MCU: variants seen among roughly 807,000 people sequenced by gnomAD.
MCU encodes the protein mitochondrial calcium uniporter, also known as calcium uniporter protein, mitochondrial.
Under a neutral mutation model 45.2 loss-of-function variants are expected in MCU, and 12 were observed. The ratio of observed to expected loss-of-function variants is 0.27; its 90% CI spans 0.17 to 0.43. The LOEUF (loss-of-function observed/expected upper bound fraction) is 0.43, where lower values mean the gene tolerates loss of function less well. MCU is among the 20% of genes least tolerant of loss of function. MCU has a pLI of 1.00. For synonymous variants in MCU, 160 were observed against 165.1 expected (o/e 0.97, Z 0.24); for missense variants, 324 against 436.7 (o/e 0.74, Z 2.30).
chr10:72,808,368 T>C (rs1844487216), intron 1 of MCU, among the ~76,000 whole-genome samples: 1 of 152,236 alleles, frequency 6.6e-6, no homozygotes, highest in South Asian at 2.1e-4. Context: ...GAACATATAA[T>C]GATTGCAGAA....
chr10:72,771,571 T>C (rs1279397333), intron 1 of MCU, among the ~76,000 whole-genome samples: 1 of 152,228 alleles, frequency 6.6e-6, no homozygotes, highest in Non-Finnish European at 1.5e-5. Context: ...CTTTGCTGAA[T>C]ATAAGATTTT....
Position 72,735,814 on chromosome 10 carries a change from T to C in MCU, c.150+43513T>C, listed in dbSNP as rs146429941. Among the ~76,000 whole-genome samples, 1,034 of 152,314 alleles carry C rather than the reference T, an allele frequency of 6.8e-3. 10 individuals are homozygous for C. The highest frequency in any genetic ancestry group is 0.024 in the African/African-American group (986 of 41,560). ...GGAGTGGAGAAGGTGCCTAATTATA[T>C]AGAATATCTTTGTGGATCTTCAACC... On this transcript the variant is annotated intron_variant, in intron 1 of 7. Transcript: ENST00000373053.
chr10:72,794,016 C>T (rs1027886360), intron 1 of MCU, among the ~76,000 whole-genome samples: 1 of 152,126 alleles, frequency 6.6e-6, no homozygotes, highest in African/African-American at 2.4e-5. Flanking sequence ...TATCAGTGCT[C>T]CCAATTTACA....
chr10:72,739,973 G>C (rs947137956), intron 1 of MCU, among the ~76,000 whole-genome samples: 9 of 151,948 alleles, frequency 5.9e-5, no homozygotes, highest in African/African-American at 2.2e-4. Flanking sequence ...ACCGTGCCCA[G>C]CTGAAAATTA....
intron 1 of MCU, among the ~76,000 whole-genome samples, chr10:72,798,180 T>C (rs1431686488): frequency 6.6e-6 from 1 of 152,102 alleles, no homozygotes; most frequent in Non-Finnish European, 1.5e-5. Flanking sequence ...AAAATAAAAC[T>C]GTACATAACA....
At chr10:72,801,879 C>A (rs1169115271) in intron 1 of MCU, among the ~76,000 whole-genome samples, 1 of 151,782 alleles carries the variant, frequency 6.6e-6, no homozygotes. Context: ...TGCCATGTTG[C>A]CCTGGTTTGT....
intron 4 of MCU, among the ~76,000 whole-genome samples, chr10:72,867,934 A>G (rs1384330813): frequency 1.3e-5 from 2 of 151,864 alleles, no homozygotes; most frequent in Non-Finnish European, 2.9e-5. Flanking sequence ...GAAATACTAT[A>G]TATTTTTCCC....
At chr10:72,736,168 CA>C (rs1843249877) in intron 1 of MCU, among the ~76,000 whole-genome samples, 1 of 152,148 alleles carries the variant, frequency 6.6e-6, no homozygotes, top group Non-Finnish European at 1.5e-5. Context: ...TTTGTGTATT[CA>C]TGGACGTTGG....
chr10:72,752,405 T>G (rs1458993605), intron 1 of MCU, among the ~76,000 whole-genome samples: 2 of 152,178 alleles, frequency 1.3e-5, no homozygotes, highest in African/African-American at 4.8e-5. Flanking sequence ...CTCCAAATGT[T>G]TTTTTGAATG....
chr10:72,745,946 A>C (rs1456200521), intron 1 of MCU, among the ~76,000 whole-genome samples: 1 of 152,146 alleles, frequency 6.6e-6, no homozygotes. Flanking sequence ...CATTACCACT[A>C]TCCACCTCCA....
Position 72,871,532 on chromosome 10 carries a change from T to C in MCU, c.813T>C (p.Thr271=). The C allele has an allele frequency of 6.2e-7, 1 of 1,614,200 alleles. No individual in the cohort carries two copies. Among genetic ancestry groups the C allele is most frequent in the South Asian group, 1.1e-5 (1 of 91,090 alleles). ...DIMEPVTYFI[T]YGSAMAMYAY... Reference sequence around the variant, plus strand: ...TGGAGCCAGTAACATACTTCATCACTTATGGAAGTGCCATGGCAATGTATG... The same window carrying C: ...TGGAGCCAGTAACATACTTCATCACCTATGGAAGTGCCATGGCAATGTATG... The change falls in exon 6 of 8, where the codon ACT becomes ACC. Residue 271 remains threonine (T), a synonymous_variant. Coordinates refer to ENST00000373053, the MANE Select transcript of MCU (RefSeq NM_138357.3).
At position 72,767,254 on chromosome 10, in the gene MCU, T is replaced by C. The variant is rs145008844; in HGVS notation, c.151-67105T>C. ...AATTAAAATAATTTCCTTTCTGCTG[T>C]CTGTCATGATCTTCTCGTTTCTGAA... On this transcript the variant is annotated intron_variant, in intron 1 of 7. Transcript: ENST00000373053. 5.3e-5 allele frequency among the ~76,000 whole-genome samples: 8 copies of C among 152,288 alleles called. No individual in the cohort carries two copies. In the East Asian group the frequency reaches 1.5e-3, roughly 29 times the overall value.
chr10:72,736,538 G>A (rs1843254156), intron 1 of MCU: 1 of 152,096 alleles, frequency 6.6e-6, no homozygotes, highest in Non-Finnish European at 1.5e-5. Flanking sequence ...TGCTTATTAG[G>A]AAAGAAGGAT....
At chr10:72,794,431 C>G (rs1053467273) in intron 1 of MCU, among the ~76,000 whole-genome samples, 1 of 152,192 alleles carries the variant, frequency 6.6e-6, no homozygotes, top group African/African-American at 2.4e-5. Flanking sequence ...TTTCCTAAGG[C>G]TCTTGGTTCT....
chr10:72,734,307 G>A (rs961308634), intron 1 of MCU, among the ~76,000 whole-genome samples: 3 of 152,122 alleles, frequency 2.0e-5, no homozygotes, highest in Non-Finnish European at 2.9e-5. Flanking sequence ...TTAGTCACTG[G>A]CCACATGTGA....
intron 2 of MCU, among the ~76,000 whole-genome samples, chr10:72,835,415 C>G (rs897207536): frequency 3.3e-5 from 5 of 152,160 alleles, no homozygotes; most frequent in African/African-American, 1.2e-4. Flanking sequence ...TGATAGAGCT[C>G]TGATTTCAAC....
intron 6 of MCU, among the ~76,000 whole-genome samples, chr10:72,881,955 G>A: frequency 6.6e-6 from 1 of 152,204 alleles, no homozygotes; most frequent in East Asian, 1.9e-4. Flanking sequence ...TATTGTTGTG[G>A]GAAGTCAGGG....
intron 1 of MCU, among the ~76,000 whole-genome samples, chr10:72,729,475 A>G (rs1307557960): frequency 1.3e-5 from 2 of 152,218 alleles, no homozygotes; most frequent in Non-Finnish European, 2.9e-5. Context: ...GCCTCAAAAA[A>G]GAAAAAAAGA....
chr10:72,711,965 GC>G (rs1164350251), intron 1 of MCU, among the ~76,000 whole-genome samples: 1 of 150,512 alleles, frequency 6.6e-6, no homozygotes, highest in African/African-American at 2.4e-5. Flanking sequence ...GCCTGCCTTG[GC>G]CCCCCAAAGT....
Sources: gnomAD v4.1 joint callset for allele counts (sites outside exome capture counted in the v4.1 genomes callset) on GRCh38, gnomAD v4.1.1 for gene constraint, MANE v1.5 for transcripts, NCBI Gene and HGNC (gene_info 2026-07-23, HGNC 2026-07-21) for gene names.